Variants in NFU1 observed in about 807,000 individuals in gnomAD.
The protein encoded by NFU1 is NFU1 iron-sulfur cluster scaffold homolog, mitochondrial.
Under a neutral mutation model 32.2 loss-of-function variants are expected in NFU1, and 30 were observed. That is an observed-to-expected ratio of 0.93 (90% CI 0.70 to 1.26). NFU1 has a LOEUF of 1.26. NFU1 is among the 50% of genes most tolerant of loss of function. NFU1 has a pLI of 0.00. For synonymous variants in NFU1, 112 were observed against 104.6 expected (o/e 1.07, Z -0.43); for missense variants, 306 against 306.6 (o/e 1.00, Z 0.02).
chr2:69,406,766 C>G (rs1574117500), intron 5 of NFU1, among the ~76,000 whole-genome samples: 1 of 152,004 alleles, frequency 6.6e-6, no homozygotes, highest in African/African-American at 2.4e-5. Flanking sequence ...GAGATGGGGC[C>G]TCGCCATGTT....
upstream of NFU1, among the ~76,000 whole-genome samples, chr2:69,439,239 G>A (rs550836199): frequency 7.2e-5 from 11 of 152,200 alleles, no homozygotes; most frequent in South Asian, 2.1e-3. Flanking sequence ...ACCACCCACA[G>A]CCTCTGTGCT....
At chr2:69,408,333 T>C (rs562847584) in intron 5 of NFU1, among the ~76,000 whole-genome samples, 146 of 152,338 alleles carry the variant, frequency 9.6e-4, no homozygotes, top group Middle Eastern at 3.4e-3. Context: ...AACTTTTATA[T>C]AGATTTGTCT....
Position 69,425,498 on chromosome 2 carries a change from GCATGCACCAC to G in NFU1, c.167-1791_167-1782del, listed in dbSNP as rs1673422711. ...GCCTCCTGAGTAGCTGGGATTATAGGCATGCACCACCATGCCCGGCTAATTTTTGTATTTT... is the reference window on the plus strand; with the variant it reads ...GCCTCCTGAGTAGCTGGGATTATAGGCATGCCCGGCTAATTTTTGTATTTT... On this transcript the variant is annotated intron_variant, in intron 2 of 7. Coordinates refer to ENST00000410022, the MANE Select transcript of NFU1 (RefSeq NM_001002755.4). Among the ~76,000 whole-genome samples, 6 of 151,670 alleles carry G rather than the reference GCATGCACCAC, an allele frequency of 4.0e-5. No individual in the cohort carries two copies. The South Asian group carries it at 1.3e-3, about 32-fold the overall frequency.
At chr2:69,417,925 T>C (rs1439278799) in intron 4 of NFU1, among the ~76,000 whole-genome samples, 1 of 151,170 alleles carries the variant, frequency 6.6e-6, no homozygotes, top group East Asian at 1.9e-4. Flanking sequence ...TTATATAGCA[T>C]AGGCTATACG....
intron 4 of NFU1, among the ~76,000 whole-genome samples, chr2:69,419,302 G>A (rs1574135796): frequency 6.6e-6 from 1 of 151,942 alleles, no homozygotes; most frequent in Non-Finnish European, 1.5e-5. Context: ...ACTCCAGCCT[G>A]GGGGACAAGA....
At chr2:69,399,872 C>T (rs1201962389) in intron 7 of NFU1, among the ~76,000 whole-genome samples, 3 of 106,574 alleles carry the variant, frequency 2.8e-5, no homozygotes, top group Non-Finnish European at 5.5e-5. Context: ...ACTAAAGTTA[C>T]TTCATTTTTT....
intron 7 of NFU1, among the ~76,000 whole-genome samples, chr2:69,397,646 C>A (rs1400353745): frequency 6.6e-6 from 1 of 151,666 alleles, no homozygotes; most frequent in South Asian, 2.1e-4. Flanking sequence ...GGCACAGTGG[C>A]TCATGCCTGT....
At chr2:69,420,507 T>C (rs1307702644) in intron 3 of NFU1, among the ~76,000 whole-genome samples, 1 of 152,254 alleles carries the variant, frequency 6.6e-6, no homozygotes, top group African/African-American at 2.4e-5. Context: ...AATCCTGTTA[T>C]CAGTTTCGTG....
Position 69,396,189 on chromosome 2 carries a change from C to A in NFU1, c.*57G>T. ...TTCCTCAGCATATTAATAATAAAAA[C>A]TTGATATATATTATCAACAAGTCTG... On this transcript the variant is annotated 3_prime_UTR_variant, in exon 8 of 8. Coordinates refer to ENST00000410022, the MANE Select transcript of NFU1 (RefSeq NM_001002755.4). 2.2e-6 allele frequency: 3 copies of A among 1,337,128 alleles called. No individual in the cohort carries two copies. Among genetic ancestry groups the A allele is most frequent in the Non-Finnish European group, 3.2e-6 (3 of 936,964 alleles). 82.8% of individuals were successfully genotyped at this position (1,337,128 alleles called of 1,614,324 possible).
intron 6 of NFU1, among the ~76,000 whole-genome samples, chr2:69,401,673 ATAC>A (rs1404135781): frequency 2.0e-5 from 3 of 152,238 alleles, no homozygotes; most frequent in Non-Finnish European, 4.4e-5. Flanking sequence ...GATTTAATAA[ATAC>A]TGCCATATAG....
intron 1 of NFU1, among the ~76,000 whole-genome samples, chr2:69,434,245 A>G (rs1673752974): frequency 6.6e-6 from 1 of 151,422 alleles, no homozygotes; most frequent in Admixed American, 6.6e-5. Context: ...CCTGGGTTCA[A>G]GCAATTCTCC....
At chr2:69,421,809 G>A (rs1390795465) in intron 3 of NFU1, among the ~76,000 whole-genome samples, 14 of 151,798 alleles carry the variant, frequency 9.2e-5, no homozygotes, top group African/African-American at 1.9e-4. Context: ...TGATCCGCCC[G>A]CCTCGGCCTC....
At chr2:69,404,186 C>T (rs904301612) in intron 6 of NFU1, among the ~76,000 whole-genome samples, 8 of 150,412 alleles carry the variant, frequency 5.3e-5, no homozygotes, top group Non-Finnish European at 1.2e-4. Context: ...TTTCCATGTA[C>T]AACATGATGT....
Position 69,425,125 on chromosome 2 carries a change from G to A in NFU1, c.167-1408C>T, listed in dbSNP as rs1003623827. ...GATCTCCTGACCTCATGATCTGCCCGCCTCGGCCTCACAAAGTGCTGGGAT... is the reference window on the plus strand; with the variant it reads ...GATCTCCTGACCTCATGATCTGCCCACCTCGGCCTCACAAAGTGCTGGGAT... On this transcript the variant is annotated intron_variant, in intron 2 of 7. Coordinates refer to ENST00000410022, the MANE Select transcript of NFU1 (RefSeq NM_001002755.4). Among the ~76,000 whole-genome samples the A allele has an allele frequency of 1.3e-5, 2 of 151,734 alleles. 1 individual carries two copies. Among genetic ancestry groups the A allele is most frequent in the African/African-American group, 4.8e-5 (2 of 41,338 alleles).
At chr2:69,425,169 C>T (rs1201305111) in intron 2 of NFU1, among the ~76,000 whole-genome samples, 3 of 151,456 alleles carry the variant, frequency 2.0e-5, no homozygotes, top group South Asian at 2.1e-4. Flanking sequence ...TGAGCCACCG[C>T]GCCCAGCCAA....
chr2:69,426,427 C>T (rs1204968284), intron 2 of NFU1, among the ~76,000 whole-genome samples: 1 of 151,882 alleles, frequency 6.6e-6, no homozygotes, highest in African/African-American at 2.4e-5. Flanking sequence ...CTGAGATTAC[C>T]AGCATATACC....
At chr2:69,406,825 A>G (rs938834117) in intron 5 of NFU1, among the ~76,000 whole-genome samples, 3 of 152,144 alleles carry the variant, frequency 2.0e-5, no homozygotes, top group Admixed American at 2.0e-4. Context: ...CTTGAACTTC[A>G]GTTCCCATAA....
rs561482249 is a variant in NFU1 at position 69,400,382 on chromosome 2, C to T, written c.702G>A (p.Glu234=). 115 of 1,613,988 alleles carry T rather than the reference C, an allele frequency of 7.1e-5. 1 individual carries two copies. The highest frequency in any genetic ancestry group is 9.4e-5 in the Non-Finnish European group (111 of 1,179,956). Residue 234 remains glutamate (E), a synonymous_variant, in exon 7 of 8, where the codon GAG becomes GAA. Coordinates refer to ENST00000410022, the MANE Select transcript of NFU1 (RefSeq NM_001002755.4). Reference sequence around the variant, plus strand: ...GGCATACCTGTTCTACGCCTTCTACCTCCGGAATATAAAACTGCAGCATGT... The same window carrying T: ...GGCATACCTGTTCTACGCCTTCTACTTCCGGAATATAAAACTGCAGCATGT... The part of the protein sequence containing the change: ...IQNMLQFYIP[E]VEGVEQVMDD...
intron 2 of NFU1, among the ~76,000 whole-genome samples, chr2:69,423,927 C>T (rs866630332): frequency 6.6e-6 from 1 of 151,866 alleles, no homozygotes; most frequent in Non-Finnish European, 1.5e-5. Context: ...GTAATCCCAG[C>T]ACTTAGGGAG....
Sources: allele counts gnomAD v4.1 joint callset (sites outside exome capture counted in the v4.1 genomes callset), GRCh38; gene constraint gnomAD v4.1.1; transcripts MANE v1.5; gene names NCBI Gene and HGNC (gene_info 2026-07-23, HGNC 2026-07-21).